The following SPG11 variants were observed in gnomAD, a reference collection of about 807,000 sequenced individuals.
SPG11 encodes the protein SPG11 vesicle trafficking associated, spatacsin.
A neutral mutation model predicts 274.0 loss-of-function variants in SPG11; 222 were observed. That is an observed-to-expected ratio of 0.81 (90% CI 0.73 to 0.91). The LOEUF (loss-of-function observed/expected upper bound fraction) is 0.91, where lower values mean the gene tolerates loss of function less well. Among genes scored for constraint, SPG11 ranks in the 40% least tolerant of loss-of-function variants. SPG11 has a pLI of 0.00. For synonymous variants in SPG11, 1,144 were observed against 1,039.7 expected (o/e 1.10, Z -1.93); for missense variants, 3,114 against 2,872.7 (o/e 1.08, Z -1.92).
At chr15:44,597,395 A>G (rs2083073974) in intron 23 of SPG11, among the ~76,000 whole-genome samples, 1 of 152,124 alleles carries the variant, frequency 6.6e-6, no homozygotes, top group African/African-American at 2.4e-5. Context: ...TACAGGTGTG[A>G]GCCACTGTGC....
chr15:44,563,988 T>A (rs2082255032), intron 39 of SPG11, among the ~76,000 whole-genome samples: 1 of 152,082 alleles, frequency 6.6e-6, no homozygotes. Context: ...CTCTGATGTT[T>A]TAGTGTTTTT....
chr15:44,612,858 AC>A (rs1468641109), intron 17 of SPG11, among the ~76,000 whole-genome samples: 9 of 152,176 alleles, frequency 5.9e-5, no homozygotes, highest in African/African-American at 2.2e-4. Flanking sequence ...CTGAAAGACT[AC>A]TGACATTCCT....
At chr15:44,566,822 C>T (rs2082318696) in intron 36 of SPG11, among the ~76,000 whole-genome samples, 1 of 152,084 alleles carries the variant, frequency 6.6e-6, no homozygotes, top group Non-Finnish European at 1.5e-5. Context: ...GCTTCAGCCT[C>T]CCAAGTAGTT....
intron 27 of SPG11, 152 bp from the exon 28 acceptor site, chr15:44,589,566 G>C (rs1329001052): frequency 1.1e-6 from 1 of 896,056 alleles, no homozygotes; most frequent in Non-Finnish European, 1.7e-6. Flanking sequence ...CAAATGGCAG[G>C]AACTGGTAAT....
intron 8 of SPG11, 110 bp from the exon 9 acceptor site, chr15:44,629,498 A>C: frequency 8.2e-7 from 1 of 1,216,648 alleles, no homozygotes; most frequent in Non-Finnish European, 1.2e-6. Flanking sequence ...ACAAGGACCA[A>C]TGTCTTATTT....
At chr15:44,570,391 ACT>A in intron 34 of SPG11, 132 bp downstream of exon 34, 1 of 1,123,946 alleles carries the variant, frequency 8.9e-7, no homozygotes, top group East Asian at 2.6e-5. Context: ...TGCCCAGCCA[ACT>A]CTCAAGTAGG....
intron 10 of SPG11, among the ~76,000 whole-genome samples, chr15:44,628,341 G>A (rs1053581543): frequency 6.6e-6 from 1 of 152,238 alleles, no homozygotes; most frequent in African/African-American, 2.4e-5. Flanking sequence ...CAGAATGCAT[G>A]TGTCCAAAGC....
intron 11 of SPG11, among the ~76,000 whole-genome samples, chr15:44,625,361 T>C (rs944166186): frequency 6.6e-6 from 1 of 152,150 alleles, no homozygotes; most frequent in African/African-American, 2.4e-5. Flanking sequence ...TCATGTTGAA[T>C]TGTAACCCCC....
rs1352106115 is a variant in SPG11 at position 44,659,157 on chromosome 15, C to T, written c.589G>A (p.Ala197Thr). 6.2e-7 allele frequency: 1 copy of T among 1,614,210 alleles called. No individual in the cohort carries two copies. The highest frequency in any genetic ancestry group is 8.5e-7 in the Non-Finnish European group (1 of 1,180,048). Residue 197 changes from alanine to threonine, a missense_variant, in exon 3 of 40, where the codon GCA becomes ACA. Physicochemically the swap from Ala to Thr is moderately conservative, Grantham distance 58. Coordinates refer to ENST00000261866, the MANE Select transcript of SPG11 (RefSeq NM_025137.4). The part of the protein sequence containing the change: ...VLNCFTLPLP[A>T]QAVDMIIDTQ... ...TCAATAATCATGTCCACTGCCTGTG[C>T]AGGCAAGGGAAGTGTGAAACAGTTG... is the stretch of plus-strand genomic sequence containing the variant.
intron 31 of SPG11, among the ~76,000 whole-genome samples, chr15:44,574,005 G>A (rs1019953029): frequency 1.3e-5 from 2 of 151,880 alleles, no homozygotes; most frequent in Non-Finnish European, 2.9e-5. Context: ...TTTTTTTGGC[G>A]GCAGGGTTGG....
chr15:44,572,637 G>C, intron 33 of SPG11, 46 bp downstream of exon 33: 1 of 1,610,552 alleles, frequency 6.2e-7, no homozygotes, highest in Non-Finnish European at 8.5e-7. Flanking sequence ...GACCTTTTGA[G>C]ACCTGTTTAG....
chr15:44,598,577 T>C (rs769726815), intron 22 of SPG11, 54 bp downstream of exon 22: 21 of 1,542,946 alleles, frequency 1.4e-5, no homozygotes, highest in Middle Eastern at 2.0e-4. Context: ...TTCAATGCCT[T>C]AGACCTCGTC....
Position 44,659,250 on chromosome 15 carries a change from G to C in SPG11, c.496C>G (p.Leu166Val), listed in dbSNP as rs372037097. Residue 166 changes from leucine (L) to valine (V), a missense_variant, in exon 3 of 40, where the codon CTG becomes GTG. Transcript: ENST00000261866. ...AGGATGACACATTTGTTGATGAACA[G>C]TAATGATGTGTTATTGTGAAATGAC... ...ILSFHNNTSL[L>V]FINKCVILHI... is the part of the protein sequence containing the mutation. 8 of 1,613,974 alleles carry C rather than the reference G, an allele frequency of 5.0e-6. No individual in the cohort carries two copies. The highest frequency in any genetic ancestry group is 6.8e-6 in the Non-Finnish European group (8 of 1,179,924).
In SPG11 at chr15:44,580,784, C is replaced by T. The variant is rs2082644228; in HGVS notation, c.5866+3030G>A. ...CCAGCCTGGTGACAAAGCGAGACTC[C>T]GTCTCAAAAACAAACAAACAAAAAC... On this transcript the variant is annotated intron_variant, in intron 30 of 39. Transcript: ENST00000261866. 8.5e-5 allele frequency among the ~76,000 whole-genome samples: 13 copies of T among 152,124 alleles called. No homozygotes were observed. The South Asian group carries it at 2.5e-3, about 29-fold the overall frequency.
chr15:44,584,612 A>T (rs2082720722), intron 29 of SPG11, 54 bp from the exon 30 acceptor site: 2 of 1,583,394 alleles, frequency 1.3e-6, no homozygotes, highest in Admixed American at 1.7e-5. Flanking sequence ...AAAGTATCAT[A>T]AATGCTAATG....
At chr15:44,612,471 G>C (rs995002996) in intron 17 of SPG11, among the ~76,000 whole-genome samples, 1 of 152,034 alleles carries the variant, frequency 6.6e-6, no homozygotes, top group African/African-American at 2.4e-5. Flanking sequence ...CTGGAGTGCA[G>C]TGACACAATC....
At chr15:44,623,517 G>A (rs1346139731) in intron 11 of SPG11, among the ~76,000 whole-genome samples, 1 of 152,130 alleles carries the variant, frequency 6.6e-6, no homozygotes, top group Non-Finnish European at 1.5e-5. Context: ...GCTTAGTCTA[G>A]GAGCCCTACT....
chr15:44,583,711 C>G, intron 30 of SPG11, 103 bp downstream of exon 30: 3 of 1,532,136 alleles, frequency 2.0e-6, no homozygotes, highest in Non-Finnish European at 2.7e-6. Flanking sequence ...TTGTTGTCCC[C>G]TTAACTTGGT....
chr15:44,663,561 C>G lies in SPG11; in HGVS notation c.87G>C (p.Leu29=), dbSNP rs763212983. ...TCGCCTCGGCGGGGACTGGCACCAA[C>G]AGCATCGGTAGAACCCGCCCCATGG... The part of the protein sequence containing the change: ...TAAMGRVLPM[L]LVPVPAEAMG... Residue 29 remains leucine (L), a synonymous_variant, in exon 1 of 40, where the codon CTG becomes CTC. Transcript: ENST00000261866. 6.3e-7 allele frequency: 1 copy of G among 1,597,514 alleles called. No homozygotes were observed. The highest frequency in any genetic ancestry group is 1.1e-5 in the South Asian group (1 of 89,324).
Sources: allele counts gnomAD v4.1 joint callset (sites outside exome capture counted in the v4.1 genomes callset), GRCh38; gene constraint gnomAD v4.1.1; transcripts MANE v1.5; gene names NCBI Gene and HGNC (gene_info 2026-07-23, HGNC 2026-07-21).